The following SRPK2 variants were observed in gnomAD, a reference collection of about 807,000 sequenced individuals.
SRPK2 encodes the protein SFRS protein kinase 2.
In SRPK2, 21 loss-of-function variants were observed where a neutral mutation model predicts 90.8. That is an observed-to-expected ratio of 0.23 (90% CI 0.16 to 0.33). SRPK2 has a LOEUF of 0.33. SRPK2 is among the 10% of genes least tolerant of loss of function. The pLI is 1.00. For missense variants in SRPK2, 620 were observed against 869.0 expected (o/e 0.71, Z 3.60); for synonymous variants, 288 against 311.1 (o/e 0.93, Z 0.78).
At chr7:105,306,981 AT>A (rs1193685928) in intron 2 of SRPK2, among the ~76,000 whole-genome samples, 2 of 152,172 alleles carry the variant, frequency 1.3e-5, no homozygotes, top group East Asian at 3.8e-4. Flanking sequence ...TTTTCCTCTT[AT>A]TTTATAACTC....
chr7:105,360,166 GT>G (rs1418886564), intron 2 of SRPK2, among the ~76,000 whole-genome samples: 1 of 152,100 alleles, frequency 6.6e-6, no homozygotes, highest in Non-Finnish European at 1.5e-5. Context: ...TTCTTTGCTG[GT>G]TTAAAGTCTG....
chr7:105,303,988 A>T (rs762089604), intron 2 of SRPK2, among the ~76,000 whole-genome samples: 1 of 152,248 alleles, frequency 6.6e-6, no homozygotes, highest in Non-Finnish European at 1.5e-5. Context: ...TGACTTCAAA[A>T]GTTTTCATTA....
intron 2 of SRPK2, among the ~76,000 whole-genome samples, chr7:105,365,804 A>C (rs1018449958): frequency 6.6e-6 from 1 of 151,958 alleles, no homozygotes; most frequent in Non-Finnish European, 1.5e-5. Flanking sequence ...AATTTAAAAA[A>C]ACAAAAAACA....
intron 2 of SRPK2, among the ~76,000 whole-genome samples, chr7:105,323,479 C>G (rs1240272819): frequency 6.6e-6 from 1 of 152,204 alleles, no homozygotes; most frequent in East Asian, 1.9e-4. Context: ...TCTAAAAACA[C>G]CTACCCATAT....
intron 7 of SRPK2, among the ~76,000 whole-genome samples, chr7:105,159,464 A>AAC (rs1807164043): frequency 1.4e-5 from 2 of 141,596 alleles, no homozygotes; most frequent in African/African-American, 5.9e-5. Context: ...AAAAAAAAAA[A>AAC]AAAAAAAAAC....
At chr7:105,172,766 C>T (rs1020205652) in intron 3 of SRPK2, among the ~76,000 whole-genome samples, 4 of 152,144 alleles carry the variant, frequency 2.6e-5, no homozygotes, top group African/African-American at 9.7e-5. Flanking sequence ...GCTTCCTGGT[C>T]TTAGTACACA....
intron 7 of SRPK2, among the ~76,000 whole-genome samples, chr7:105,152,812 G>C (rs979002072): frequency 4.6e-5 from 7 of 152,078 alleles, no homozygotes; most frequent in Non-Finnish European, 1.0e-4. Flanking sequence ...GAAATGGGCG[G>C]ATCACAAGGT....
chr7:105,360,299 A>C (rs1818283015), intron 2 of SRPK2, among the ~76,000 whole-genome samples: 1 of 152,140 alleles, frequency 6.6e-6, no homozygotes, highest in South Asian at 2.1e-4. Flanking sequence ...GGGTCTCCTG[A>C]ATACAGCACA....
At chr7:105,216,774 A>T (rs1173456725) in intron 2 of SRPK2, among the ~76,000 whole-genome samples, 1 of 152,202 alleles carries the variant, frequency 6.6e-6, no homozygotes, top group African/African-American at 2.4e-5. Context: ...TACAAGCCAC[A>T]GTCCAAATGT....
At chr7:105,204,685 CCCT>C (rs1250555167) in intron 2 of SRPK2, 4 of 975,430 alleles carry the variant, frequency 4.1e-6, no homozygotes, top group Non-Finnish European at 6.0e-6. Context: ...GCAACGGCAG[CCCT>C]CAGGCCTGCT....
At chr7:105,204,201 T>C (rs1019752916) in intron 2 of SRPK2, among the ~76,000 whole-genome samples, 7 of 152,218 alleles carry the variant, frequency 4.6e-5, no homozygotes, top group Non-Finnish European at 7.3e-5. Context: ...CACTCAACTT[T>C]TGAAAGCACT....
At chr7:105,136,839 A>G (rs756052780) in intron 11 of SRPK2, among the ~76,000 whole-genome samples, 1 of 152,238 alleles carries the variant, frequency 6.6e-6, no homozygotes, top group African/African-American at 2.4e-5. Context: ...TTCGTGCAAC[A>G]AATATTTACT....
At chr7:105,350,529 CTTTTTTTT>C (rs71152961) in intron 2 of SRPK2, among the ~76,000 whole-genome samples, 5 of 127,350 alleles carry the variant, frequency 3.9e-5, no homozygotes, top group African/African-American at 9.0e-5. Flanking sequence ...AATTTTTTTT[CTTTTTTTT>C]TTTTTTTTGA....
upstream of SRPK2, chr7:105,388,984 GC>G (rs1262116125): frequency 2.4e-5 from 10 of 419,346 alleles, no homozygotes; most frequent in African/African-American, 1.8e-4. Flanking sequence ...GTCCGGCCCC[GC>G]CCCCGCCCCG....
intron 2 of SRPK2, among the ~76,000 whole-genome samples, chr7:105,335,416 T>G (rs1814977434): frequency 6.6e-6 from 1 of 151,954 alleles, no homozygotes; most frequent in Non-Finnish European, 1.5e-5. Flanking sequence ...TCCCAGCACT[T>G]TGGGAGACAG....
At chr7:105,330,291 C>A (rs536326656) in intron 2 of SRPK2, among the ~76,000 whole-genome samples, 4 of 151,666 alleles carry the variant, frequency 2.6e-5, no homozygotes, top group African/African-American at 7.3e-5. Flanking sequence ...GAGCCGAGAT[C>A]GCGCCACTGC....
At chr7:105,274,582 A>G (rs550578118) in intron 2 of SRPK2, among the ~76,000 whole-genome samples, 10 of 151,366 alleles carry the variant, frequency 6.6e-5, no homozygotes, top group Non-Finnish European at 1.2e-4. Context: ...GTATAAAAAG[A>G]CGGATGAATA....
At chr7:105,293,686 T>A (rs757147374) in intron 2 of SRPK2, among the ~76,000 whole-genome samples, 3 of 151,986 alleles carry the variant, frequency 2.0e-5, no homozygotes, top group Non-Finnish European at 4.4e-5. Context: ...TCCCAAAGGG[T>A]TGGGATTACA....
At chr7:105,120,669 G>T (rs1193934483) in intron 15 of SRPK2, among the ~76,000 whole-genome samples, 4 of 151,662 alleles carry the variant, frequency 2.6e-5, no homozygotes, top group Admixed American at 6.6e-5. Context: ...AAAAAAAAAT[G>T]TGTGGACTTT....
Sources: allele counts gnomAD v4.1 joint callset (sites outside exome capture counted in the v4.1 genomes callset), GRCh38; gene constraint gnomAD v4.1.1; transcripts MANE v1.5; gene names NCBI Gene and HGNC (gene_info 2026-07-23, HGNC 2026-07-21).